Variants in RAB3GAP1 observed in about 807,000 individuals in gnomAD.
RAB3GAP1 encodes rab3 GTPase-activating protein catalytic subunit.
Under a neutral mutation model 130.7 loss-of-function variants are expected in RAB3GAP1, and 86 were observed. That is an observed-to-expected ratio of 0.66 (90% CI 0.55 to 0.79). The LOEUF (loss-of-function observed/expected upper bound fraction) is 0.79, where lower values mean the gene tolerates loss of function less well. RAB3GAP1 is among the 30% of genes least tolerant of loss of function. The pLI is 0.00. For missense variants in RAB3GAP1, 1,029 were observed against 1,169.4 expected (o/e 0.88, Z 1.75); for synonymous variants, 367 against 401.7 (o/e 0.91, Z 1.03).
chr2:135,167,785 C>A, intron 23 of RAB3GAP1: 1 of 1,247,574 alleles, frequency 8.0e-7, no homozygotes, highest in Non-Finnish European at 1.1e-6. Flanking sequence ...AGGTCATTAA[C>A]ACTAACCACC....
chr2:135,068,438 A>ATATAC (rs1689382085), intron 3 of RAB3GAP1, among the ~76,000 whole-genome samples: 2 of 151,852 alleles, frequency 1.3e-5, no homozygotes, highest in Admixed American at 1.3e-4. Flanking sequence ...AAGGAAGTAG[A>ATATAC]CTATAAAAAT....
rs540369613 is a variant in RAB3GAP1 at position 135,145,360 on chromosome 2, A to T, written c.1924-5009A>T. Among the ~76,000 whole-genome samples the T allele has an allele frequency of 9.1e-4, 137 of 151,014 alleles. 1 individual carries two copies. Among genetic ancestry groups the T allele is most frequent in the African/African-American group, 3.0e-3 (123 of 40,998 alleles). On this transcript the variant is annotated intron_variant, in intron 17 of 23. Transcript: ENST00000264158. ...TCTATCTGTTTGTATCCATTAGCTA[A>T]CCTCTCTTCATACCACCCCTCACCA...
intron 5 of RAB3GAP1, among the ~76,000 whole-genome samples, chr2:135,098,697 C>A (rs1458838535): frequency 6.6e-6 from 1 of 152,080 alleles, no homozygotes; most frequent in African/African-American, 2.4e-5. Flanking sequence ...TAGATGTTAC[C>A]TGATTTCTTT....
At chr2:135,122,024 C>G (rs192603872) in intron 8 of RAB3GAP1, among the ~76,000 whole-genome samples, 1 of 151,662 alleles carries the variant, frequency 6.6e-6, no homozygotes, top group Non-Finnish European at 1.5e-5. Context: ...ACCTGGGAGG[C>G]GGAGGTTGCA....
chr2:135,124,301 A>C lies in RAB3GAP1; in HGVS notation c.830+55A>C, dbSNP rs544548533. ...TGGGAATATTTTACTTTGAATTTAT[A>C]TTGATATTGATTTCACTGTGCTTTA... is the stretch of plus-strand genomic sequence containing the variant. On this transcript the variant is annotated intron_variant, in intron 9 of 23. Transcript: ENST00000264158. The C allele has an allele frequency of 1.4e-4, 210 of 1,471,826 alleles. 9 individuals are homozygous for C. The South Asian group carries it at 2.2e-3, about 16-fold the overall frequency. The allele number at this position is 1,471,826 out of a possible 1,614,324, so 91.2% of individuals were successfully genotyped here. A position where few individuals can be genotyped will look rare whatever the true frequency, so the allele number is the denominator to read the frequency against.
intron 8 of RAB3GAP1, among the ~76,000 whole-genome samples, chr2:135,122,181 A>G (rs571178528): frequency 6.6e-6 from 1 of 152,338 alleles, no homozygotes; most frequent in African/African-American, 2.4e-5. Flanking sequence ...ATACCACAAA[A>G]TAATTTTCAA....
At chr2:135,153,144 A>G (rs1558801408) in intron 18 of RAB3GAP1, 1 of 161,090 alleles carries the variant, frequency 6.2e-6, no homozygotes, top group East Asian at 1.8e-4. Context: ...GTATTGATTT[A>G]TTGAGGAAAA....
At chr2:135,081,371 T>C (rs868579544) in intron 3 of RAB3GAP1, among the ~76,000 whole-genome samples, 43 of 104,526 alleles carry the variant, frequency 4.1e-4, no homozygotes, top group Admixed American at 1.6e-3. Context: ...TACACACACG[T>C]GTGTGTGTGT....
intron 23 of RAB3GAP1, among the ~76,000 whole-genome samples, chr2:135,167,911 C>T (rs1692705856): frequency 6.6e-6 from 1 of 151,954 alleles, no homozygotes; most frequent in Non-Finnish European, 1.5e-5. Flanking sequence ...AAAAAAAGTA[C>T]AGTAATCAGA....
chr2:135,129,096 G>A (rs1052060183), intron 11 of RAB3GAP1, among the ~76,000 whole-genome samples: 1 of 152,180 alleles, frequency 6.6e-6, no homozygotes, highest in Non-Finnish European at 1.5e-5. Flanking sequence ...AGGCTGCAGT[G>A]AGCCATGATC....
At chr2:135,165,832 A>T (rs1558807601) in intron 23 of RAB3GAP1, among the ~76,000 whole-genome samples, 1 of 152,186 alleles carries the variant, frequency 6.6e-6, no homozygotes, top group South Asian at 2.1e-4. Flanking sequence ...GTTAGCTACC[A>T]ATATGAATGT....
intron 18 of RAB3GAP1, among the ~76,000 whole-genome samples, chr2:135,151,935 T>C (rs1027340814): frequency 1.3e-5 from 2 of 152,180 alleles, no homozygotes; most frequent in African/African-American, 2.4e-5. Context: ...CTTGGTAAAG[T>C]TCTATATAGT....
At chr2:135,127,722 G>C (rs1241255808) in intron 11 of RAB3GAP1, among the ~76,000 whole-genome samples, 1 of 152,064 alleles carries the variant, frequency 6.6e-6, no homozygotes, top group Non-Finnish European at 1.5e-5. Context: ...TTCTGATATG[G>C]GAAAAGAAAT....
At chr2:135,158,637 A>G (rs1439737066) in intron 19 of RAB3GAP1, among the ~76,000 whole-genome samples, 2 of 152,350 alleles carry the variant, frequency 1.3e-5, no homozygotes, top group East Asian at 3.9e-4. Flanking sequence ...AACCATGTTC[A>G]TAGTAAGGAT....
At chr2:135,151,700 T>G (rs189580122) in intron 18 of RAB3GAP1, among the ~76,000 whole-genome samples, 1 of 152,340 alleles carries the variant, frequency 6.6e-6, no homozygotes, top group Admixed American at 6.5e-5. Flanking sequence ...CAGTTGGCTC[T>G]TGGGGCACAT....
At chr2:135,121,018 C>A in intron 8 of RAB3GAP1, 100 bp downstream of exon 8, 1 of 893,568 alleles carries the variant, frequency 1.1e-6, no homozygotes, top group Non-Finnish European at 1.9e-6. Flanking sequence ...AAGTGTTTTA[C>A]ATTAGAAATA....
chr2:135,081,394 ATATATGTG>A (rs1689817180), intron 3 of RAB3GAP1, among the ~76,000 whole-genome samples: 1 of 136,054 alleles, frequency 7.4e-6, no homozygotes, highest in African/African-American at 2.7e-5. Flanking sequence ...ATATATATGT[ATATATGTG>A]TGTGTATATA....
chr2:135,127,122 G>C (rs1222515738), intron 11 of RAB3GAP1, among the ~76,000 whole-genome samples: 1 of 150,986 alleles, frequency 6.6e-6, no homozygotes, highest in Non-Finnish European at 1.5e-5. Context: ...TGATCCGCCC[G>C]CCTCGGCCTC....
intron 23 of RAB3GAP1, among the ~76,000 whole-genome samples, chr2:135,168,262 T>G (rs532596521): frequency 2.2e-4 from 33 of 152,280 alleles, no homozygotes; most frequent in African/African-American, 7.5e-4. Context: ...CCGAGGTCCT[T>G]TTTCATCAGA....
Sources: allele counts gnomAD v4.1 joint callset (sites outside exome capture counted in the v4.1 genomes callset), GRCh38; gene constraint gnomAD v4.1.1; transcripts MANE v1.5; gene names NCBI Gene and HGNC (gene_info 2026-07-23, HGNC 2026-07-21).